The following BMERB1 variants were observed in gnomAD, a reference collection of about 807,000 sequenced individuals.
BMERB1 encodes the protein bMERB domain containing 1.
In BMERB1, 12 loss-of-function variants were observed where a neutral mutation model predicts 23.6. The observed-to-expected ratio is 0.51, with a 90% CI of 0.33 to 0.82. The LOEUF (loss-of-function observed/expected upper bound fraction) is 0.82. BMERB1 is among the 40% of genes least tolerant of loss of function. The pLI, the probability that BMERB1 is intolerant of heterozygous loss-of-function variation, is 0.03. For synonymous variants in BMERB1, 122 were observed against 96.6 expected, an observed-to-expected ratio of 1.26 and a Z score of -1.54; for missense variants, 247 against 255.4, an observed-to-expected ratio of 0.97 and a Z score of 0.22.
In BMERB1 at chr16:15,572,727, G is replaced by A. The variant is rs912754098; in HGVS notation, c.304+4671G>A. Reference sequence around the variant, plus strand: ...CTGGCATTGTAATAGAACTCAACTTGTGATATGGTTTGGCTGTGTTCCCAC... The same window carrying A: ...CTGGCATTGTAATAGAACTCAACTTATGATATGGTTTGGCTGTGTTCCCAC... On this transcript the variant is annotated intron_variant, in intron 3 of 5. Transcript: ENST00000300006. Among the ~76,000 whole-genome samples, 14 of 152,272 alleles carry A rather than the reference G, an allele frequency of 9.2e-5. 1 individual carries two copies. Among genetic ancestry groups the A allele is most frequent in the Admixed American group, 9.2e-4 (14 of 15,296 alleles).
chr16:15,444,123 G>GCTTTTTTTTTTTTTT (rs2050966312), intron 1 of BMERB1, among the ~76,000 whole-genome samples: 1 of 35,610 alleles, frequency 2.8e-5, no homozygotes, highest in Non-Finnish European at 4.6e-5. Context: ...CACCAGCTTT[G>GCTTTTTTTTTTTTTT]TTTTTTTTTT....
At chr16:15,444,535 TA>T (rs984019049) in intron 1 of BMERB1, among the ~76,000 whole-genome samples, 3 of 152,112 alleles carry the variant, frequency 2.0e-5, no homozygotes, top group African/African-American at 7.2e-5. Context: ...ATAAACAGAA[TA>T]ATGCCAGGAA....
chr16:15,509,912 G>A (rs1231997435), intron 1 of BMERB1, among the ~76,000 whole-genome samples: 2 of 152,122 alleles, frequency 1.3e-5, no homozygotes, highest in Non-Finnish European at 2.9e-5. Context: ...GGATTAGGGT[G>A]GGCCCTAAAT....
intron 5 of BMERB1, chr16:15,583,909 G>C (rs2031077781): frequency 8.9e-6 from 6 of 675,800 alleles, no homozygotes; most frequent in Non-Finnish European, 8.1e-6. Context: ...CTACGTACCT[G>C]GTCCTGGTAG....
intron 1 of BMERB1, among the ~76,000 whole-genome samples, chr16:15,468,668 C>G (rs912129502): frequency 1.3e-5 from 2 of 152,094 alleles, no homozygotes; most frequent in Admixed American, 6.6e-5. Context: ...GACTCTTTTG[C>G]AGAGCAAAGG....
rs76297190 is a variant in BMERB1, at chr16:15,451,158, C to T, written c.106+16399C>T. Among the ~76,000 whole-genome samples the T allele has an allele frequency of 7.4e-3, 1,128 of 152,236 alleles. 10 individuals carry two copies. Among genetic ancestry groups the T allele is most frequent in the Non-Finnish European group, 0.011 (734 of 68,014 alleles). On this transcript the variant is annotated intron_variant, in intron 1 of 5. Transcript: ENST00000300006. Reference sequence around the variant, plus strand: ...TGCTGCTAAAGTTAAGTCTTATTTCCGTGCAACCTTTCGTTTGTTTGTTTT... The same window carrying T: ...TGCTGCTAAAGTTAAGTCTTATTTCTGTGCAACCTTTCGTTTGTTTGTTTT...
chr16:15,556,290 G>A (rs2030256184), intron 2 of BMERB1, among the ~76,000 whole-genome samples: 1 of 152,138 alleles, frequency 6.6e-6, no homozygotes, highest in Non-Finnish European at 1.5e-5. Flanking sequence ...GGGTGGAGGA[G>A]TGGATGGAAG....
intron 3 of BMERB1, among the ~76,000 whole-genome samples, chr16:15,577,941 C>A (rs2030911402): frequency 1.3e-5 from 2 of 152,238 alleles, no homozygotes; most frequent in African/African-American, 2.4e-5. Flanking sequence ...CTGATAACTT[C>A]AGGTGTTTTC....
chr16:15,515,154 CTCA>C, intron 1 of BMERB1, 148 bp from the exon 2 acceptor site: 1 of 978,610 alleles, frequency 1.0e-6, no homozygotes, highest in Non-Finnish European at 1.5e-6. Context: ...AAAGGGTGTG[CTCA>C]CGAATACACA....
chr16:15,574,632 T>TA (rs1338563093), intron 3 of BMERB1, among the ~76,000 whole-genome samples: 1 of 151,940 alleles, frequency 6.6e-6, no homozygotes, highest in African/African-American at 2.4e-5. Context: ...AAGCAGAAGT[T>TA]ACAGGCAAAA....
chr16:15,561,286 G>T (rs2030413877), intron 2 of BMERB1, among the ~76,000 whole-genome samples: 1 of 30,262 alleles, frequency 3.3e-5, no homozygotes, highest in Non-Finnish European at 6.1e-5. Context: ...TTTTTTTTTG[G>T]GAGAAGGAGT....
At chr16:15,502,452 C>T in intron 1 of BMERB1, 1 of 1,264,012 alleles carries the variant, frequency 7.9e-7, no homozygotes. Context: ...CCAGGAGCTT[C>T]TGGGTTAAAA....
intron 3 of BMERB1, among the ~76,000 whole-genome samples, chr16:15,573,670 G>C (rs1034537283): frequency 1.3e-5 from 2 of 152,144 alleles, no homozygotes; most frequent in African/African-American, 2.4e-5. Flanking sequence ...TCTGGGGAGG[G>C]TCAGCATCTT....
chr16:15,464,169 C>G (rs1469867950), intron 1 of BMERB1, among the ~76,000 whole-genome samples: 1 of 151,806 alleles, frequency 6.6e-6, no homozygotes, highest in Admixed American at 6.6e-5. Flanking sequence ...AAAAATTAGC[C>G]AGGTGTGGTG....
chr16:15,463,166 A>C (rs2051150756), intron 1 of BMERB1, among the ~76,000 whole-genome samples: 1 of 151,336 alleles, frequency 6.6e-6, no homozygotes, highest in Admixed American at 6.6e-5. Context: ...GCAGCTTTGA[A>C]CTCTTCATCT....
At chr16:15,515,036 C>G (rs185003381) in intron 1 of BMERB1, among the ~76,000 whole-genome samples, 1 of 152,298 alleles carries the variant, frequency 6.6e-6, no homozygotes, top group Admixed American at 6.5e-5. Context: ...GAGCCGAGAT[C>G]GCTTCACCGC....
In BMERB1 at chr16:15,467,606, G is replaced by A. The variant is rs541577871; in HGVS notation, c.106+32847G>A. Among the ~76,000 whole-genome samples the A allele has an allele frequency of 3.0e-4, 45 of 152,188 alleles. 1 individual carries two copies. In the South Asian group the frequency reaches 9.3e-3, roughly 32 times the overall value. Reference sequence around the variant, plus strand: ...TGTATTCTAAATACAGGTCCTTGTTGGGTATGTGGTTTGCAAATATTTCCT... The same window carrying A: ...TGTATTCTAAATACAGGTCCTTGTTAGGTATGTGGTTTGCAAATATTTCCT... On this transcript the variant is annotated intron_variant, in intron 1 of 5. Transcript: ENST00000300006.
intron 1 of BMERB1, among the ~76,000 whole-genome samples, chr16:15,469,624 A>G (rs1323189741): frequency 6.6e-6 from 1 of 152,302 alleles, no homozygotes; most frequent in Non-Finnish European, 1.5e-5. Flanking sequence ...CATGAACACA[A>G]TATGTCTCCC....
intron 1 of BMERB1, among the ~76,000 whole-genome samples, chr16:15,448,876 A>G (rs975569481): frequency 6.6e-6 from 1 of 152,178 alleles, no homozygotes. Context: ...GAAAGATGTG[A>G]GATTTTCAGA....
Sources: allele counts gnomAD v4.1 joint callset (sites outside exome capture counted in the v4.1 genomes callset), GRCh38; gene constraint gnomAD v4.1.1; transcripts MANE v1.5; gene names NCBI Gene and HGNC (gene_info 2026-07-23, HGNC 2026-07-21).